Variants in MED12L observed in about 807,000 individuals in gnomAD.
MED12L encodes mediator of RNA polymerase II transcription subunit 12-like protein.
A neutral mutation model predicts 281.3 loss-of-function variants in MED12L; 60 were observed. The ratio of observed to expected loss-of-function variants is 0.21; its 90% CI spans 0.17 to 0.26. MED12L has a LOEUF of 0.26. Among genes scored for constraint, MED12L ranks in the 10% least tolerant of loss-of-function variants. The pLI, the probability that MED12L is intolerant of heterozygous loss-of-function variation, is 1.00. For missense variants in MED12L, 2,146 were observed against 2,680.9 expected (o/e 0.80, Z 4.41); for synonymous variants, 974 against 987.2 (o/e 0.99, Z 0.25).
At chr3:151,247,078 A>G (rs900421733) in intron 16 of MED12L, among the ~76,000 whole-genome samples, 9 of 152,248 alleles carry the variant, frequency 5.9e-5, no homozygotes, top group African/African-American at 2.2e-4. Context: ...ATCTCACACC[A>G]GTTAGATTGG....
At chr3:151,120,922 G>A (rs1182241815) in intron 3 of MED12L, among the ~76,000 whole-genome samples, 3 of 152,134 alleles carry the variant, frequency 2.0e-5, no homozygotes, top group Admixed American at 6.5e-5. Context: ...ACAAGGGCTT[G>A]TTAGCAGGAA....
intron 11 of MED12L, among the ~76,000 whole-genome samples, chr3:151,169,934 T>C (rs757885929): frequency 1.3e-5 from 2 of 152,192 alleles, no homozygotes; most frequent in Non-Finnish European, 2.9e-5. Context: ...TTCACATCTG[T>C]TGGGAAAACC....
chr3:151,327,012 T>C (rs1420672337), intron 16 of MED12L: 3 of 152,230 alleles, frequency 2.0e-5, no homozygotes, highest in Admixed American at 2.0e-4. Context: ...AGCAATTCTA[T>C]TTAAAACATC....
chr3:151,371,987 G>A (rs1756243862), intron 26 of MED12L, among the ~76,000 whole-genome samples: 1 of 152,136 alleles, frequency 6.6e-6, no homozygotes, highest in Admixed American at 6.6e-5. Context: ...AGAGAGGAAG[G>A]TAAAAAAACA....
At chr3:151,395,257 A>T (rs1219394424) in intron 39 of MED12L, among the ~76,000 whole-genome samples, 5 of 152,030 alleles carry the variant, frequency 3.3e-5, no homozygotes, top group Non-Finnish European at 7.4e-5. Flanking sequence ...TTTTAGACTT[A>T]TTACTGTGAG....
At chr3:151,120,152 G>A (rs1262427165) in intron 3 of MED12L, among the ~76,000 whole-genome samples, 3 of 151,780 alleles carry the variant, frequency 2.0e-5, no homozygotes. Context: ...CTTGATCCCA[G>A]GAGGCAGAGG....
At chr3:151,231,098 T>C (rs1231170548) in intron 16 of MED12L, among the ~76,000 whole-genome samples, 2 of 152,118 alleles carry the variant, frequency 1.3e-5, no homozygotes, top group African/African-American at 4.8e-5. Flanking sequence ...TGAAAATACA[T>C]TGAAAACCAA....
At chr3:151,193,712 A>G (rs771132441) in intron 16 of MED12L, 46 bp downstream of exon 16, 20 of 1,474,052 alleles carry the variant, frequency 1.4e-5, no homozygotes, top group Non-Finnish European at 8.4e-6. Context: ...ATTTTATTAT[A>G]AGATCAATAA....
At chr3:151,116,801 G>C (rs547301051) in intron 3 of MED12L, among the ~76,000 whole-genome samples, 3 of 152,276 alleles carry the variant, frequency 2.0e-5, no homozygotes, top group African/African-American at 7.2e-5. Context: ...ATCCAGGTTA[G>C]ATATTTTTGG....
intron 16 of MED12L, among the ~76,000 whole-genome samples, chr3:151,334,629 A>G (rs1292811923): frequency 6.6e-6 from 1 of 152,000 alleles, no homozygotes; most frequent in Non-Finnish European, 1.5e-5. Context: ...CCTCCTGAGT[A>G]GCTGGGACTA....
chr3:151,119,847 A>T (rs1395032498), intron 3 of MED12L, among the ~76,000 whole-genome samples: 1 of 152,194 alleles, frequency 6.6e-6, no homozygotes, highest in Non-Finnish European at 1.5e-5. Flanking sequence ...TGTAACTCCT[A>T]AATTTTTTCC....
chr3:151,207,520 T>G (rs920905052), intron 16 of MED12L, among the ~76,000 whole-genome samples: 1 of 144,984 alleles, frequency 6.9e-6, no homozygotes, highest in Non-Finnish European at 1.5e-5. Context: ...GTCAGGCAAT[T>G]TGGGGGCTTG....
chr3:151,249,344 G>A (rs1444266083), intron 16 of MED12L, among the ~76,000 whole-genome samples: 1 of 152,110 alleles, frequency 6.6e-6, no homozygotes, highest in Non-Finnish European at 1.5e-5. Context: ...AATTCACATG[G>A]TTTCAAACTA....
rs139056824 is a variant in MED12L at position 151,248,169 on chromosome 3, C to T, written c.2250+54503C>T. Reference sequence around the variant, plus strand: ...GAATGTTTGTTATTTAAATGTTTAACGCTCAGAGGAAGCAATCAGAAGAAC... The same window carrying T: ...GAATGTTTGTTATTTAAATGTTTAATGCTCAGAGGAAGCAATCAGAAGAAC... On this transcript the variant is annotated intron_variant, in intron 16 of 44. Coordinates refer to ENST00000687756, the MANE Select transcript of MED12L (RefSeq NM_001393769.1). 7.0e-3 allele frequency among the ~76,000 whole-genome samples: 1,068 copies of T among 151,860 alleles called. 4 individuals are homozygous for T. The highest frequency in any genetic ancestry group is 0.012 in the Non-Finnish European group (796 of 67,932).
At chr3:151,357,137 A>C in intron 19 of MED12L, 76 bp from the exon 20 acceptor site, 5 of 1,270,192 alleles carry the variant, frequency 3.9e-6, no homozygotes, top group Non-Finnish European at 2.2e-6. Flanking sequence ...CAGTATATCT[A>C]TGGTTTATAA....
intron 31 of MED12L, among the ~76,000 whole-genome samples, chr3:151,379,104 C>G (rs1711747483): frequency 6.6e-6 from 1 of 152,120 alleles, no homozygotes; most frequent in South Asian, 2.1e-4. Flanking sequence ...TGGTAGAGAC[C>G]CAGCATTGTA....
In MED12L at chr3:151,271,500, G is replaced by GGA. The variant is rs1740939847; in HGVS notation, c.2250+77835_2250+77836insAG. Among the ~76,000 whole-genome samples the GGA allele has an allele frequency of 3.9e-5, 6 of 152,186 alleles. No homozygotes were observed. In the South Asian group the frequency reaches 1.2e-3, roughly 32 times the overall value. On this transcript the variant is annotated intron_variant, in intron 16 of 44. Transcript: ENST00000687756. ...TTGTGACCTAGTAATTTCACTCCTA[G>GGA]GTGTTTACCCAGGAGAAGTGAAAGT... is the stretch of plus-strand genomic sequence containing the variant.
chr3:151,231,821 G>A (rs1731733597), intron 16 of MED12L, among the ~76,000 whole-genome samples: 1 of 152,176 alleles, frequency 6.6e-6, no homozygotes, highest in South Asian at 2.1e-4. Context: ...AAGCGAGAGA[G>A]TATTTAGAGA....
intron 5 of MED12L, among the ~76,000 whole-genome samples, chr3:151,133,718 TTA>T (rs1440005818): frequency 6.6e-6 from 1 of 152,210 alleles, no homozygotes; most frequent in Non-Finnish European, 1.5e-5. Flanking sequence ...TCAGATATTT[TTA>T]GAGTTGAATT....
Sources: allele counts gnomAD v4.1 joint callset (sites outside exome capture counted in the v4.1 genomes callset), GRCh38; gene constraint gnomAD v4.1.1; transcripts MANE v1.5; gene names NCBI Gene and HGNC (gene_info 2026-07-23, HGNC 2026-07-21).